The following ANXA8 variants were observed in gnomAD, a reference collection of about 807,000 sequenced individuals.
ANXA8 encodes the protein VAC-beta.
A neutral mutation model predicts 26.8 loss-of-function variants in ANXA8; 9 were observed. The ratio of observed to expected loss-of-function variants is 0.34; its 90% CI spans 0.20 to 0.59. The LOEUF (loss-of-function observed/expected upper bound fraction) is 0.59, where lower values mean the gene tolerates loss of function less well. ANXA8 is among the 20% of genes least tolerant of loss of function. ANXA8 has a pLI of 0.84. For synonymous variants in ANXA8, 39 were observed against 94.8 expected, an observed-to-expected ratio of 0.41 and a Z score of 3.42; for missense variants, 83 against 238.5, an observed-to-expected ratio of 0.35 and a Z score of 4.29.
the ANXA8 span, among the ~76,000 whole-genome samples, chr10:47,504,750 T>C: frequency 7.2e-6 from 1 of 138,628 alleles, no homozygotes; most frequent in African/African-American, 2.7e-5. Context: ...TAATGCATTG[T>C]GCCTGTGTAT....
At chr10:47,650,545 G>T in the ANXA8 span, among the ~76,000 whole-genome samples, 3 of 149,090 alleles carry the variant, frequency 2.0e-5, no homozygotes, top group African/African-American at 5.0e-5. Context: ...GGTGGCTCAC[G>T]CCTGTAATCC....
chr10:47,560,818 A>T, the ANXA8 span, among the ~76,000 whole-genome samples: 1 of 149,240 alleles, frequency 6.7e-6, no homozygotes, highest in African/African-American at 2.5e-5. Context: ...TGTTAAAACA[A>T]TTTTTTTTTT....
At chr10:47,947,846 AT>A in the ANXA8 span, among the ~76,000 whole-genome samples, 1 of 150,688 alleles carries the variant, frequency 6.6e-6, no homozygotes, top group Non-Finnish European at 1.5e-5. Flanking sequence ...TGGATCTGTT[AT>A]AAAAATTAGG....
At chr10:47,625,959 A>G in the ANXA8 span, among the ~76,000 whole-genome samples, 1 of 150,464 alleles carries the variant, frequency 6.6e-6, no homozygotes, top group African/African-American at 2.5e-5. Flanking sequence ...TATATAAGTG[A>G]GATTATGTCA....
the ANXA8 span, among the ~76,000 whole-genome samples, chr10:47,680,021 G>A: frequency 2.0e-5 from 3 of 151,264 alleles, no homozygotes; most frequent in East Asian, 3.9e-4. Flanking sequence ...TGTTGCCCAC[G>A]CTGGAGTGCA....
chr10:47,644,431 T>C, the ANXA8 span, among the ~76,000 whole-genome samples: 1 of 152,038 alleles, frequency 6.6e-6, no homozygotes, highest in Admixed American at 6.5e-5. Context: ...TGAGAAAGCA[T>C]TTATAGACAA....
the ANXA8 span, among the ~76,000 whole-genome samples, chr10:47,533,521 AAGTC>A: frequency 7.1e-6 from 1 of 141,370 alleles, no homozygotes; most frequent in African/African-American, 2.7e-5. Context: ...GTTTCCTAGA[AAGTC>A]AGGCAGGGCA....
chr10:47,676,730 C>T, the ANXA8 span, among the ~76,000 whole-genome samples: 1 of 151,142 alleles, frequency 6.6e-6, no homozygotes, highest in South Asian at 2.1e-4. Flanking sequence ...CCATCCTGGC[C>T]AACATGGTGA....
At chr10:47,918,362 AGAGAGAGAGAGAGAG>A in the ANXA8 span, among the ~76,000 whole-genome samples, 30 of 16,154 alleles carry the variant, frequency 1.9e-3, 2 homozygotes, top group Non-Finnish European at 8.9e-4. Context: ...GGAGGGAGAG[AGAGAGAGAGAGAGAG>A]AGAGAGAGAA....
intron 1 of ANXA8, among the ~76,000 whole-genome samples, chr10:47,483,090 T>C (rs1328341821): frequency 5.3e-5 from 8 of 151,372 alleles, no homozygotes; most frequent in Non-Finnish European, 1.2e-4. Context: ...TTCAACTCCT[T>C]AGCACAGCGA....
chr10:47,679,924 A>G, the ANXA8 span, among the ~76,000 whole-genome samples: 12 of 152,014 alleles, frequency 7.9e-5, no homozygotes, highest in Non-Finnish European at 1.6e-4. Context: ...TCTCAATAAT[A>G]ACACATAAAC....
At chr10:47,714,281 C>G in the ANXA8 span, among the ~76,000 whole-genome samples, 7 of 140,556 alleles carry the variant, frequency 5.0e-5, no homozygotes, top group Admixed American at 1.4e-4. Context: ...TTAGTTCTAG[C>G]TAGTGATGTT....
the ANXA8 span, among the ~76,000 whole-genome samples, chr10:47,897,320 C>T: frequency 9.4e-5 from 1 of 10,676 alleles, no homozygotes; most frequent in African/African-American, 4.4e-4. Flanking sequence ...ATAATTAGAT[C>T]TTGGCAATGA....
chr10:47,685,838 T>C, the ANXA8 span, among the ~76,000 whole-genome samples: 1,958 of 149,098 alleles, frequency 0.013, 23 homozygotes, highest in Non-Finnish European at 0.018. Flanking sequence ...AATTTGGACT[T>C]CATTATTGTC....
the ANXA8 span, among the ~76,000 whole-genome samples, chr10:47,762,195 G>A: frequency 1.3e-5 from 2 of 151,698 alleles, no homozygotes; most frequent in Non-Finnish European, 2.9e-5. Context: ...GCGCTTAGGG[G>A]AGTTGGTGCG....
At chr10:47,693,415 G>T in the ANXA8 span, among the ~76,000 whole-genome samples, 3 of 151,198 alleles carry the variant, frequency 2.0e-5, no homozygotes, top group African/African-American at 7.3e-5. Flanking sequence ...TCAGCCTCCC[G>T]AATAGCTGGG....
At chr10:47,702,588 A>G in the ANXA8 span, among the ~76,000 whole-genome samples, 1 of 151,236 alleles carries the variant, frequency 6.6e-6, no homozygotes, top group Non-Finnish European at 1.5e-5. Context: ...TGATCTGCCC[A>G]CTTTGGCCTC....
chr10:47,682,862 G>C, the ANXA8 span, among the ~76,000 whole-genome samples: 3 of 152,128 alleles, frequency 2.0e-5, no homozygotes, highest in Non-Finnish European at 2.9e-5. Context: ...AAATGCCCTG[G>C]AACAAGAGTG....
At chr10:47,599,081 T>C in the ANXA8 span, among the ~76,000 whole-genome samples, 11 of 147,284 alleles carry the variant, frequency 7.5e-5, no homozygotes, top group African/African-American at 2.3e-4. Flanking sequence ...CTTTTATGTA[T>C]TATTATATAC....
Sources: allele counts gnomAD v4.1 joint callset (sites outside exome capture counted in the v4.1 genomes callset), GRCh38; gene constraint gnomAD v4.1.1; transcripts MANE v1.5; gene names NCBI Gene and HGNC (gene_info 2026-07-23, HGNC 2026-07-21).